Variants in CLSTN2 observed in about 807,000 individuals in gnomAD.
CLSTN2 encodes the protein calsyntenin 2.
CLSTN2 carries 48 observed loss-of-function variants against 101.2 expected under a neutral mutation model. The observed-to-expected ratio is 0.47, with a 90% CI of 0.38 to 0.60. CLSTN2 has a LOEUF of 0.60. Among genes scored for constraint, CLSTN2 ranks in the 20% least tolerant of loss-of-function variants. The pLI, the probability that CLSTN2 is intolerant of heterozygous loss-of-function variation, is 0.00. For missense variants in CLSTN2, 1,160 were observed against 1,238.2 expected (o/e 0.94, Z 0.95); for synonymous variants, 481 against 463.6 (o/e 1.04, Z -0.48).
chr3:140,266,654 A>G (rs1300991285), intron 2 of CLSTN2, among the ~76,000 whole-genome samples: 3 of 152,174 alleles, frequency 2.0e-5, no homozygotes, highest in African/African-American at 4.8e-5. Context: ...TTCCACTGGT[A>G]TGTTTTGGTT....
chr3:140,532,416 G>C lies in CLSTN2; in HGVS notation c.1437G>C (p.Leu479=). 1 of 1,613,936 alleles carries C rather than the reference G, an allele frequency of 6.2e-7. No homozygotes were observed. Among genetic ancestry groups the C allele is most frequent in the Non-Finnish European group, 8.5e-7 (1 of 1,179,858 alleles). The part of the protein sequence containing the change: ...YMDGATYEPY[L]VTNDWPIHPS... ...ATGGAGCAACATATGAACCATACCT[G>C]GTGACCAACGACTGGCCCATTCATC... Residue 479 remains leucine (L), a synonymous_variant, in exon 9 of 17, where the codon CTG becomes CTC. Coordinates refer to ENST00000458420, the MANE Select transcript of CLSTN2 (RefSeq NM_022131.3).
intron 1 of CLSTN2, among the ~76,000 whole-genome samples, chr3:139,969,233 A>G (rs903833345): frequency 1.4e-4 from 22 of 152,192 alleles, no homozygotes; most frequent in African/African-American, 5.3e-4. Context: ...TACCAAAAGT[A>G]AAGCCTCCCA....
At chr3:140,117,661 AC>A (rs2009268433) in intron 1 of CLSTN2, among the ~76,000 whole-genome samples, 1 of 152,216 alleles carries the variant, frequency 6.6e-6, no homozygotes, top group Non-Finnish European at 1.5e-5. Context: ...TGCAATAACC[AC>A]ATAAGTCCAG....
chr3:140,422,931 T>C (rs1329153236), intron 5 of CLSTN2, among the ~76,000 whole-genome samples: 1 of 152,232 alleles, frequency 6.6e-6, no homozygotes, highest in Non-Finnish European at 1.5e-5. Flanking sequence ...TAAGAAGAAC[T>C]CACCTTGTTT....
chr3:140,336,545 C>T (rs2087441315), intron 2 of CLSTN2, among the ~76,000 whole-genome samples: 1 of 152,168 alleles, frequency 6.6e-6, no homozygotes, highest in South Asian at 2.1e-4. Flanking sequence ...GCAGAAGTCT[C>T]TCACTGTTTA....
chr3:140,524,432 TTA>T (rs1935094109), intron 8 of CLSTN2, among the ~76,000 whole-genome samples: 1 of 152,214 alleles, frequency 6.6e-6, no homozygotes, highest in Non-Finnish European at 1.5e-5. Context: ...TAGTTCTAAC[TTA>T]CAATAAGATT....
At chr3:140,218,608 T>C (rs533515195) in intron 2 of CLSTN2, among the ~76,000 whole-genome samples, 1 of 152,324 alleles carries the variant, frequency 6.6e-6, no homozygotes, top group East Asian at 1.9e-4. Context: ...GATTTTTACA[T>C]ATCAGCAACT....
At chr3:140,130,318 A>G (rs1217967447) in intron 1 of CLSTN2, among the ~76,000 whole-genome samples, 4 of 152,200 alleles carry the variant, frequency 2.6e-5, no homozygotes, top group African/African-American at 9.6e-5. Context: ...CTCTGCAATC[A>G]CATTGGAAAG....
chr3:140,150,766 T>C lies in CLSTN2; in HGVS notation c.110-25185T>C, dbSNP rs574805215. On this transcript the variant is annotated intron_variant, in intron 1 of 16. Coordinates refer to ENST00000458420, the MANE Select transcript of CLSTN2 (RefSeq NM_022131.3). ...TTTTTTTCTTCTCTTTCACTGATAT[T>C]GATCCCAAGGGGACACCTAAATAAA... Among the ~76,000 whole-genome samples the C allele has an allele frequency of 5.9e-5, 9 of 152,274 alleles. No individual in the cohort carries two copies. In the South Asian group the frequency reaches 1.9e-3, roughly 32 times the overall value.
chr3:140,234,320 A>G (rs1371243860), intron 2 of CLSTN2, among the ~76,000 whole-genome samples: 2 of 152,160 alleles, frequency 1.3e-5, no homozygotes, highest in Admixed American at 1.3e-4. Flanking sequence ...TGTCTAGACG[A>G]CACTCTGAGT....
At chr3:140,331,166 G>A (rs965141170) in intron 2 of CLSTN2, among the ~76,000 whole-genome samples, 16 of 152,168 alleles carry the variant, frequency 1.1e-4, no homozygotes, top group African/African-American at 2.4e-5. Flanking sequence ...AAGTCCCAGA[G>A]TCCAAAGTCT....
chr3:140,532,520 T>C, intron 9 of CLSTN2, 34 bp downstream of exon 9: 3 of 1,577,192 alleles, frequency 1.9e-6, no homozygotes, highest in Non-Finnish European at 2.6e-6. Context: ...CTCTGACCTG[T>C]TTGTGAATAG....
chr3:140,319,182 G>C (rs1236708564), intron 2 of CLSTN2, among the ~76,000 whole-genome samples: 1 of 152,286 alleles, frequency 6.6e-6, no homozygotes, highest in African/African-American at 2.4e-5. Flanking sequence ...AACTTACCCT[G>C]AATTTGGAAT....
chr3:140,056,784 A>G (rs533663464), intron 1 of CLSTN2, among the ~76,000 whole-genome samples: 2 of 152,206 alleles, frequency 1.3e-5, no homozygotes, highest in South Asian at 2.1e-4. Context: ...GATATTTGTG[A>G]AAAAAAATGA....
At chr3:140,332,433 C>A (rs1357797198) in intron 2 of CLSTN2, among the ~76,000 whole-genome samples, 1 of 152,208 alleles carries the variant, frequency 6.6e-6, no homozygotes, top group Admixed American at 6.5e-5. Context: ...AGCTGTTCAG[C>A]AAGGGCTTTG....
intron 2 of CLSTN2, among the ~76,000 whole-genome samples, chr3:140,316,061 G>A (rs2087228464): frequency 6.6e-6 from 1 of 152,176 alleles, no homozygotes; most frequent in African/African-American, 2.4e-5. Context: ...CACTCATTTG[G>A]TAGGCATCTG....
At position 140,452,159 on chromosome 3, in the gene CLSTN2, C is replaced by T. The variant is rs6808989; in HGVS notation, c.973+3455C>T. Among the ~76,000 whole-genome samples, 921 of 152,254 alleles carry T rather than the reference C, an allele frequency of 6.0e-3. 12 individuals are homozygous for T. The highest frequency in any genetic ancestry group is 0.021 in the African/African-American group (879 of 41,534). On this transcript the variant is annotated intron_variant, in intron 6 of 16. Coordinates refer to ENST00000458420, the MANE Select transcript of CLSTN2 (RefSeq NM_022131.3). ...CCTAAGGGACAACGATGGCAGTTGC[C>T]TGTGGTATACCCTGGTGTGGACACC...
At chr3:140,218,001 T>C (rs989021837) in intron 2 of CLSTN2, among the ~76,000 whole-genome samples, 5 of 152,178 alleles carry the variant, frequency 3.3e-5, no homozygotes, top group African/African-American at 1.2e-4. Flanking sequence ...CATGAACTGA[T>C]CCATTTATGA....
intron 1 of CLSTN2, among the ~76,000 whole-genome samples, chr3:140,141,902 C>A (rs1241772199): frequency 2.6e-5 from 4 of 152,162 alleles, no homozygotes; most frequent in Non-Finnish European, 4.4e-5. Context: ...TCAGAAGCTG[C>A]GCTTACCCCA....
Sources: gnomAD v4.1 joint callset for allele counts (sites outside exome capture counted in the v4.1 genomes callset) on GRCh38, gnomAD v4.1.1 for gene constraint, MANE v1.5 for transcripts, NCBI Gene and HGNC (gene_info 2026-07-23, HGNC 2026-07-21) for gene names.